PARD3B: variants seen among roughly 807,000 people sequenced by gnomAD.
The protein encoded by PARD3B is partitioning defective 3 homolog B.
In PARD3B, 103 loss-of-function variants were observed where a neutral mutation model predicts 130.2. That is an observed-to-expected ratio of 0.79 (90% CI 0.67 to 0.93). The LOEUF is 0.93. Among genes scored for constraint, PARD3B ranks in the 40% least tolerant of loss-of-function variants. The pLI, the probability that PARD3B is intolerant of heterozygous loss-of-function variation, is 0.00. For missense variants in PARD3B, 1,609 were observed against 1,499.2 expected (o/e 1.07, Z -1.21); for synonymous variants, 583 against 553.2 (o/e 1.05, Z -0.76).
chr2:205,099,813 C>T (rs571210443), intron 4 of PARD3B, among the ~76,000 whole-genome samples: 4 of 152,208 alleles, frequency 2.6e-5, no homozygotes, highest in South Asian at 2.1e-4. Flanking sequence ...AAACACTGCT[C>T]ATTAGTTGAG....
intron 22 of PARD3B, among the ~76,000 whole-genome samples, chr2:205,554,325 C>A (rs899427883): frequency 6.6e-6 from 1 of 152,146 alleles, no homozygotes; most frequent in Non-Finnish European, 1.5e-5. Flanking sequence ...TGTATGTTGA[C>A]TGTACCTCTG....
chr2:205,441,203 G>A (rs1206930764), intron 20 of PARD3B, among the ~76,000 whole-genome samples: 1 of 152,138 alleles, frequency 6.6e-6, no homozygotes, highest in Non-Finnish European at 1.5e-5. Context: ...GGTAGAAAAA[G>A]AAATAATCTT....
chr2:204,715,350 C>G (rs997162612), intron 2 of PARD3B, among the ~76,000 whole-genome samples: 1 of 152,040 alleles, frequency 6.6e-6, no homozygotes, highest in African/African-American at 2.4e-5. Flanking sequence ...TCTTGAAAAC[C>G]ATTCATTTTT....
chr2:204,756,949 G>A (rs993679098), intron 2 of PARD3B, among the ~76,000 whole-genome samples: 1 of 151,834 alleles, frequency 6.6e-6, no homozygotes, highest in Admixed American at 6.6e-5. Context: ...CGTGTTTATT[G>A]TTCCATCTTT....
chr2:204,557,002 C>T (rs981506280), intron 1 of PARD3B, among the ~76,000 whole-genome samples: 6 of 149,186 alleles, frequency 4.0e-5, no homozygotes, highest in Non-Finnish European at 1.5e-5. Context: ...ATGGGCTTTT[C>T]AGGATTTTTT....
intron 22 of PARD3B, among the ~76,000 whole-genome samples, chr2:205,583,493 A>G (rs115495696): frequency 0.014 from 2,188 of 152,188 alleles, 51 homozygotes; most frequent in African/African-American, 0.049. Flanking sequence ...GGTGGTGGTG[A>G]TGAAGAGGAT....
chr2:205,595,457 C>T (rs17682330), intron 22 of PARD3B, among the ~76,000 whole-genome samples: 35,769 of 152,044 alleles, frequency 0.24, 4,608 homozygotes, highest in Middle Eastern at 0.34. Context: ...TTAAATTAGA[C>T]GACTCATACT....
rs144084689 is a variant in PARD3B at position 205,508,169 on chromosome 2, A to G, written c.3180+8138A>G. Among the ~76,000 whole-genome samples, 143 of 152,326 alleles carry G rather than the reference A, an allele frequency of 9.4e-4. 1 individual carries two copies. Among genetic ancestry groups the G allele is most frequent in the African/African-American group, 3.3e-3 (139 of 41,574 alleles). On this transcript the variant is annotated intron_variant, in intron 21 of 22. Coordinates refer to ENST00000406610, the MANE Select transcript of PARD3B (RefSeq NM_001302769.2). ...GACTAAAGTTGCTCTCTTTCTTTACATAGAGTTGCTCTGTTTATATCTTCA... is the reference window on the plus strand; with the variant it reads ...GACTAAAGTTGCTCTCTTTCTTTACGTAGAGTTGCTCTGTTTATATCTTCA...
intron 21 of PARD3B, among the ~76,000 whole-genome samples, chr2:205,523,461 C>T (rs1043746154): frequency 5.9e-5 from 9 of 151,608 alleles, no homozygotes; most frequent in Non-Finnish European, 1.5e-5. Context: ...CCAGGCTGGT[C>T]GTACCATATT....
chr2:205,560,077 C>G (rs2053073235), intron 22 of PARD3B, among the ~76,000 whole-genome samples: 1 of 152,152 alleles, frequency 6.6e-6, no homozygotes, highest in Admixed American at 6.5e-5. Context: ...TAAACTTGCC[C>G]AAGTCCAACA....
intron 15 of PARD3B, among the ~76,000 whole-genome samples, chr2:205,216,069 A>C (rs1293237924): frequency 1.3e-5 from 2 of 152,134 alleles, no homozygotes; most frequent in Non-Finnish European, 2.9e-5. Flanking sequence ...TCAACTGCAG[A>C]CTGCATATTA....
intron 2 of PARD3B, among the ~76,000 whole-genome samples, chr2:204,823,401 A>G (rs1471534314): frequency 6.6e-6 from 1 of 152,024 alleles, no homozygotes; most frequent in Non-Finnish European, 1.5e-5. Flanking sequence ...ATTTTATTAA[A>G]AAATGAGTGT....
rs190255596 is a variant in PARD3B at position 205,614,032 on chromosome 2, A to C, written c.3261-1424A>C. Among the ~76,000 whole-genome samples the C allele has an allele frequency of 2.6e-3, 403 of 152,286 alleles. 9 individuals are homozygous for C. Among genetic ancestry groups the C allele is most frequent in the Admixed American group, 0.018 (282 of 15,296 alleles). The stretch of plus-strand genomic sequence containing the variant: ...GTTTTTCTTTTTTAAAAATTATAAA[A>C]GGGGGAGTGGCAAAAAAATGGGAAG... On this transcript the variant is annotated intron_variant, in intron 22 of 22. Coordinates refer to ENST00000406610, the MANE Select transcript of PARD3B (RefSeq NM_001302769.2).
intron 15 of PARD3B, among the ~76,000 whole-genome samples, chr2:205,224,127 T>C (rs2038392571): frequency 6.7e-6 from 1 of 149,494 alleles, no homozygotes; most frequent in African/African-American, 2.5e-5. Context: ...CCCAGCACTT[T>C]GGGAGGCTGA....
rs1008086567 is a variant in PARD3B, at chr2:204,689,781, A to G, written c.222+3499A>G. ...GATCACACAGGTAGTAAATGGCACA[A>G]TCAGACTCTGGAACCTAGAATTTAA... On this transcript the variant is annotated intron_variant, in intron 2 of 22. Transcript: ENST00000406610. This position sits in a 1 kb window ranked among gnomAD's most constrained non-coding sequence, Gnocchi z 5.2. Among the ~76,000 whole-genome samples, 8 of 152,186 alleles carry G rather than the reference A, an allele frequency of 5.3e-5. No individual in the cohort carries two copies. In the East Asian group the frequency reaches 5.8e-4, roughly 11 times the overall value.
chr2:205,054,420 ATATATATATATATATATT>A (rs1228831374), intron 4 of PARD3B, among the ~76,000 whole-genome samples: 6 of 18,276 alleles, frequency 3.3e-4, no homozygotes, highest in African/African-American at 1.1e-3. Context: ...ATATATATAT[ATATATATATATATATATT>A]TTTTTTTTTT....
At chr2:204,715,484 C>CTTTTTTT (rs77864369) in intron 2 of PARD3B, among the ~76,000 whole-genome samples, 1 of 135,534 alleles carries the variant, frequency 7.4e-6, no homozygotes, top group African/African-American at 2.7e-5. Flanking sequence ...TGCTGTTTTT[C>CTTTTTTT]TTTTTTTTTT....
intron 1 of PARD3B, among the ~76,000 whole-genome samples, chr2:204,592,024 T>C (rs907260066): frequency 1.1e-4 from 16 of 152,246 alleles, no homozygotes; most frequent in African/African-American, 1.7e-4. Flanking sequence ...ACTAACACTT[T>C]TGTAATCTGA....
chr2:205,222,414 C>T (rs1425454223), intron 15 of PARD3B, among the ~76,000 whole-genome samples: 2 of 152,146 alleles, frequency 1.3e-5, no homozygotes. Context: ...AAGTTCCCTC[C>T]TCTGTGAAAT....
Sources: gnomAD v4.1 joint callset for allele counts (sites outside exome capture counted in the v4.1 genomes callset) on GRCh38, gnomAD v4.1.1 for gene constraint, Gnocchi (gnomAD v3.1) non-coding constraint, MANE v1.5 for transcripts, NCBI Gene and HGNC (gene_info 2026-07-23, HGNC 2026-07-21) for gene names.